PLCB1: variants seen among roughly 807,000 people sequenced by gnomAD.
PLCB1 encodes the protein phospholipase C beta 1.
In PLCB1, 46 loss-of-function variants were observed where a neutral mutation model predicts 161.8. The ratio of observed to expected loss-of-function variants is 0.28; its 90% confidence interval spans 0.22 to 0.36. The LOEUF (loss-of-function observed/expected upper bound fraction) is 0.36, where lower values mean the gene tolerates loss of function less well. Ranked by LOEUF, PLCB1 falls within the 10% of genes least tolerant of loss-of-function variation. The pLI, the probability that PLCB1 is intolerant of heterozygous loss-of-function variation, is 1.00. For missense variants in PLCB1, 1,016 were observed against 1,472.5 expected, an observed-to-expected ratio of 0.69 and a Z score of 5.07; for synonymous variants, 517 against 503.7, an observed-to-expected ratio of 1.03 and a Z score of -0.35.
chr20:8,283,105 G>A (rs1982952083), intron 2 of PLCB1, among the ~76,000 whole-genome samples: 1 of 152,110 alleles, frequency 6.6e-6, no homozygotes, highest in Non-Finnish European at 1.5e-5. Context: ...CCAGTAAGAA[G>A]GAGAACAGAG....
intron 2 of PLCB1, among the ~76,000 whole-genome samples, chr20:8,247,641 A>AACAC (rs113727213): frequency 1.3e-3 from 195 of 147,350 alleles, no homozygotes; most frequent in Middle Eastern, 3.5e-3. Flanking sequence ...CATACACGCA[A>AACAC]ACACACACAC....
At chr20:8,172,041 C>A (rs922280930) in intron 2 of PLCB1, among the ~76,000 whole-genome samples, 7 of 152,066 alleles carry the variant, frequency 4.6e-5, no homozygotes, top group African/African-American at 4.8e-5. Flanking sequence ...TTTGGTGTAA[C>A]CACTGTAATC....
chr20:8,824,935 G>A (rs1199659486), intron 31 of PLCB1, among the ~76,000 whole-genome samples: 2 of 152,116 alleles, frequency 1.3e-5, no homozygotes, highest in Non-Finnish European at 1.5e-5. Flanking sequence ...TGGATATTGA[G>A]TTCATGGGTC....
At chr20:8,506,136 G>T (rs1352198812) in intron 3 of PLCB1, among the ~76,000 whole-genome samples, 1 of 152,138 alleles carries the variant, frequency 6.6e-6, no homozygotes, top group African/African-American at 2.4e-5. Flanking sequence ...AGCCAACATG[G>T]TATGATCTGG....
rs112202738 is a variant in PLCB1 at position 8,379,459 on chromosome 20, G to A, written c.246+8009G>A. On this transcript the variant is annotated intron_variant, in intron 3 of 31. Transcript: ENST00000338037. ...TAGAATGACTTATATTCCTCTGGCT[G>A]TATACCCAGTAATGGAATTGCTGGG... Among the ~76,000 whole-genome samples the A allele has an allele frequency of 8.6e-3, 1,306 of 152,206 alleles. 12 individuals are homozygous for A. Among genetic ancestry groups the A allele is most frequent in the African/African-American group, 0.029 (1,194 of 41,532 alleles).
At chr20:8,217,034 A>G (rs1278457567) in intron 2 of PLCB1, among the ~76,000 whole-genome samples, 1 of 152,034 alleles carries the variant, frequency 6.6e-6, no homozygotes, top group Non-Finnish European at 1.5e-5. Flanking sequence ...TCTCTATATG[A>G]TTTCAGTCTG....
At chr20:8,241,526 T>TA (rs934087019) in intron 2 of PLCB1, among the ~76,000 whole-genome samples, 10 of 151,516 alleles carry the variant, frequency 6.6e-5, no homozygotes, top group East Asian at 2.0e-4. Context: ...TCTGTAGGAG[T>TA]AAAAAAAATA....
intron 1 of PLCB1, among the ~76,000 whole-genome samples, chr20:8,149,651 T>C (rs2051489361): frequency 6.6e-6 from 1 of 152,066 alleles, no homozygotes; most frequent in African/African-American, 2.4e-5. Context: ...TGAAAATTGC[T>C]AAGAGAAAAG....
rs184940214 is a variant in PLCB1, at chr20:8,764,724, C to T, written c.2711-415C>T. Among the ~76,000 whole-genome samples the T allele has an allele frequency of 3.2e-3, 488 of 152,288 alleles. 4 individuals carry two copies. Among genetic ancestry groups the T allele is most frequent in the African/African-American group, 0.01 (432 of 41,554 alleles). On this transcript the variant is annotated intron_variant, in intron 25 of 31. Coordinates refer to ENST00000338037, the MANE Select transcript of PLCB1 (RefSeq NM_015192.4). ...GACCAGCTCAGTGGTACAACTCACACTCCAGCACTTCCCCATGGGATCAGG... is the reference window on the plus strand; with the variant it reads ...GACCAGCTCAGTGGTACAACTCACATTCCAGCACTTCCCCATGGGATCAGG...
chr20:8,447,940 G>A (rs1980909767), intron 3 of PLCB1, among the ~76,000 whole-genome samples: 1 of 152,158 alleles, frequency 6.6e-6, no homozygotes, highest in Non-Finnish European at 1.5e-5. Flanking sequence ...ACCTTTGTTT[G>A]CATTCATGTT....
chr20:8,707,649 A>AT (rs1438771155), intron 11 of PLCB1, among the ~76,000 whole-genome samples: 1 of 152,178 alleles, frequency 6.6e-6, no homozygotes, highest in Non-Finnish European at 1.5e-5. Flanking sequence ...CCTTCTGAGA[A>AT]TTCATTCCCA....
At chr20:8,829,796 G>C (rs1985896665) in intron 31 of PLCB1, among the ~76,000 whole-genome samples, 2 of 152,214 alleles carry the variant, frequency 1.3e-5, no homozygotes, top group Admixed American at 1.3e-4. Context: ...AAAGTACTCA[G>C]TGTAAAAATT....
At chr20:8,710,741 C>T (rs1159452635) in intron 12 of PLCB1, among the ~76,000 whole-genome samples, 2 of 151,690 alleles carry the variant, frequency 1.3e-5, no homozygotes, top group African/African-American at 2.4e-5. Flanking sequence ...CTCGAACTCC[C>T]GACCTCAGGT....
At chr20:8,165,394 G>A (rs767635184) in intron 2 of PLCB1, among the ~76,000 whole-genome samples, 1 of 152,002 alleles carries the variant, frequency 6.6e-6, no homozygotes, top group Non-Finnish European at 1.5e-5. Flanking sequence ...TTTCCATTTT[G>A]CATTGAGGAA....
rs1353476565 is a variant in PLCB1, at chr20:8,237,674, T to G, written c.177+87303T>G. Among the ~76,000 whole-genome samples, 6 of 152,230 alleles carry G rather than the reference T, an allele frequency of 3.9e-5. No homozygotes were observed. In the South Asian group the frequency reaches 8.3e-4, roughly 21 times the overall value. On this transcript the variant is annotated intron_variant, in intron 2 of 31. Transcript: ENST00000338037. Reference sequence around the variant, plus strand: ...GTTTAAAGGAGAAATCTCCATTTACTGGTTTCCCCATTACTACTTAATTGG... The same window carrying G: ...GTTTAAAGGAGAAATCTCCATTTACGGGTTTCCCCATTACTACTTAATTGG...
intron 2 of PLCB1, among the ~76,000 whole-genome samples, chr20:8,239,434 C>T (rs950696644): frequency 1.3e-5 from 2 of 151,916 alleles, no homozygotes; most frequent in African/African-American, 4.8e-5. Context: ...TAGGCACCAG[C>T]TTAGTGATGT....
intron 3 of PLCB1, among the ~76,000 whole-genome samples, chr20:8,412,619 G>T (rs1979093425): frequency 6.6e-6 from 1 of 152,132 alleles, no homozygotes; most frequent in Non-Finnish European, 1.5e-5. Flanking sequence ...TGACCTCCTT[G>T]TGCTTCCTCA....
At chr20:8,310,755 C>T (rs537650380) in intron 2 of PLCB1, among the ~76,000 whole-genome samples, 1 of 152,130 alleles carries the variant, frequency 6.6e-6, no homozygotes, top group African/African-American at 2.4e-5. Flanking sequence ...CCGTGTCTAT[C>T]GTTTCCATCT....
At chr20:8,865,491 G>A (rs1167767604) in intron 31 of PLCB1, among the ~76,000 whole-genome samples, 2 of 152,128 alleles carry the variant, frequency 1.3e-5, no homozygotes, top group African/African-American at 4.8e-5. Flanking sequence ...AGAATGTATT[G>A]GTTAGCATAA....
Sources: allele counts gnomAD v4.1 joint callset (sites outside exome capture counted in the v4.1 genomes callset), GRCh38; gene constraint gnomAD v4.1.1; transcripts MANE v1.5; gene names NCBI Gene and HGNC (gene_info 2026-07-23, HGNC 2026-07-21).